The following GALNT14 variants were observed in gnomAD, a reference collection of about 807,000 sequenced individuals.
The protein encoded by GALNT14 is polypeptide N-acetylgalactosaminyltransferase 14, also known as UDP-GalNAc:polypeptide N-acetylgalactosaminyltransferase 14.
Under a neutral mutation model 77.5 loss-of-function variants are expected in GALNT14, and 60 were observed. The ratio of observed to expected loss-of-function variants is 0.77; its 90% CI spans 0.63 to 0.96. The LOEUF is 0.96. Ranked by LOEUF, GALNT14 falls within the 40% of genes least tolerant of loss-of-function variation. The pLI, the probability that GALNT14 is intolerant of heterozygous loss-of-function variation, is 0.00. For synonymous variants in GALNT14, 280 were observed against 281.7 expected (o/e 0.99, Z 0.06); for missense variants, 710 against 731.0 (o/e 0.97, Z 0.33).
At chr2:31,099,546 C>T (rs749961831) in intron 1 of GALNT14, among the ~76,000 whole-genome samples, 2 of 151,926 alleles carry the variant, frequency 1.3e-5, no homozygotes, top group African/African-American at 2.4e-5. Context: ...CTTTACATTT[C>T]GTTTTCATTT....
chr2:30,952,381 C>T (rs1371154695), intron 6 of GALNT14, among the ~76,000 whole-genome samples: 9 of 151,284 alleles, frequency 5.9e-5, no homozygotes, highest in African/African-American at 1.9e-4. Context: ...CAATGATAGA[C>T]TGGATTAAGA....
chr2:30,960,212 C>T (rs927009276), intron 3 of GALNT14, among the ~76,000 whole-genome samples: 7 of 152,096 alleles, frequency 4.6e-5, no homozygotes, highest in African/African-American at 1.7e-4. Flanking sequence ...GGACTGTTCA[C>T]CATGATCGTC....
chr2:31,128,165 A>G (rs112809689), intron 1 of GALNT14, among the ~76,000 whole-genome samples: 388 of 152,290 alleles, frequency 2.5e-3, no homozygotes, highest in Non-Finnish European at 3.9e-3. Context: ...CAGAGCCTAC[A>G]TAACTCAAAC....
At chr2:31,047,402 C>T (rs1428193527) in intron 1 of GALNT14, among the ~76,000 whole-genome samples, 1 of 152,190 alleles carries the variant, frequency 6.6e-6, no homozygotes, top group African/African-American at 2.4e-5. Context: ...TCTCACCATC[C>T]TCAGGTGGCT....
chr2:30,898,532 G>A, the GALNT14 span, among the ~76,000 whole-genome samples: 1,032 of 152,320 alleles, frequency 6.8e-3, 7 homozygotes, highest in Non-Finnish European at 9.4e-3. Flanking sequence ...CTTCACAGAG[G>A]AGAAAAATTG....
At chr2:31,054,113 A>T (rs1348299897) in intron 1 of GALNT14, among the ~76,000 whole-genome samples, 1 of 152,260 alleles carries the variant, frequency 6.6e-6, no homozygotes, top group African/African-American at 2.4e-5. Context: ...CAAGGAGATC[A>T]CACGTTACTT....
chr2:30,912,157 C>A, intron 14 of GALNT14, 66 bp downstream of exon 14: 1 of 1,589,598 alleles, frequency 6.3e-7, no homozygotes, highest in South Asian at 1.1e-5. Context: ...GCTCATCAGA[C>A]TAAGCCCTCA....
chr2:30,974,617 C>T (rs1387738522), intron 2 of GALNT14, among the ~76,000 whole-genome samples: 1 of 152,198 alleles, frequency 6.6e-6, no homozygotes, highest in African/African-American at 2.4e-5. Context: ...GCTTCCAACG[C>T]CAGGCTATTT....
At chr2:30,907,540 A>C (rs1664176760), downstream of GALNT14, among the ~76,000 whole-genome samples, 1 of 152,248 alleles carries the variant, frequency 6.6e-6, no homozygotes, top group Admixed American at 6.5e-5. Context: ...TAGACCAATA[A>C]CAGGATCTGA....
At chr2:30,933,052 A>C (rs916343864) in intron 9 of GALNT14, among the ~76,000 whole-genome samples, 1 of 152,126 alleles carries the variant, frequency 6.6e-6, no homozygotes, top group Non-Finnish European at 1.5e-5. Context: ...AGCAGGCTTG[A>C]AGTAGTGCTT....
chr2:30,983,078 G>A (rs1332177858), intron 2 of GALNT14, among the ~76,000 whole-genome samples: 1 of 152,118 alleles, frequency 6.6e-6, no homozygotes, highest in Non-Finnish European at 1.5e-5. Flanking sequence ...AGATAATTCA[G>A]AGGCGAGAGA....
chr2:31,051,977 T>C (rs1673900781), intron 1 of GALNT14, among the ~76,000 whole-genome samples: 1 of 152,132 alleles, frequency 6.6e-6, no homozygotes, highest in Non-Finnish European at 1.5e-5. Flanking sequence ...TCCTGCCCAG[T>C]TGTGTGAGCC....
chr2:30,953,883 C>G (rs1667194941), intron 6 of GALNT14, among the ~76,000 whole-genome samples: 1 of 152,174 alleles, frequency 6.6e-6, no homozygotes, highest in African/African-American at 2.4e-5. Flanking sequence ...CTCCCCATGG[C>G]ATCCGGTTTT....
chr2:30,966,428 A>AGCTG, intron 2 of GALNT14, 126 bp from the exon 3 acceptor site: 1 of 677,318 alleles, frequency 1.5e-6, no homozygotes, highest in East Asian at 2.8e-5. Flanking sequence ...GGGCTTCCCC[A>AGCTG]GCTGCAGAGT....
At chr2:30,996,524 A>C (rs1670043584) in intron 1 of GALNT14, among the ~76,000 whole-genome samples, 2 of 152,206 alleles carry the variant, frequency 1.3e-5, no homozygotes, top group Admixed American at 1.3e-4. Context: ...GACACCAGAG[A>C]GGGTGGGCAC....
At chr2:30,905,969 T>A (rs1249990210), downstream of GALNT14, among the ~76,000 whole-genome samples, 14 of 151,392 alleles carry the variant, frequency 9.2e-5, no homozygotes, top group Non-Finnish European at 1.6e-4. Context: ...CTAAGCTTCA[T>A]AAGCGAAGGA....
chr2:30,989,825 G>C (rs1669579858), intron 2 of GALNT14, among the ~76,000 whole-genome samples: 1 of 150,984 alleles, frequency 6.6e-6, no homozygotes, highest in South Asian at 2.1e-4. Context: ...AGAGAAGCTA[G>C]GCAACTTTAA....
intron 1 of GALNT14, among the ~76,000 whole-genome samples, chr2:31,001,558 T>C (rs773119153): frequency 3.9e-5 from 6 of 152,116 alleles, no homozygotes; most frequent in African/African-American, 1.4e-4. Context: ...GTAAGTCCTA[T>C]GTGGAGGAAA....
At chr2:30,940,219 CAA>C (rs965389310) in intron 9 of GALNT14, among the ~76,000 whole-genome samples, 4 of 152,172 alleles carry the variant, frequency 2.6e-5, no homozygotes, top group African/African-American at 9.7e-5. Context: ...TTGTTGATGC[CAA>C]AAGAGTCGGA....
Sources: allele counts gnomAD v4.1 joint callset (sites outside exome capture counted in the v4.1 genomes callset), GRCh38; gene constraint gnomAD v4.1.1; transcripts MANE v1.5; gene names NCBI Gene and HGNC (gene_info 2026-07-23, HGNC 2026-07-21).